The following NWD1 variants were observed in gnomAD, a reference collection of about 807,000 sequenced individuals.
NWD1 encodes NACHT domain- and WD repeat-containing protein 1.
NWD1 carries 129 observed loss-of-function variants against 135.1 expected under a neutral mutation model. The ratio of observed to expected loss-of-function variants is 0.96; its 90% CI spans 0.83 to 1.11. NWD1 has a LOEUF of 1.11. NWD1 is among the 50% of genes least tolerant of loss of function. The pLI is 0.00. For synonymous variants in NWD1, 773 were observed against 786.0 expected (o/e 0.98, Z 0.28); for missense variants, 1,740 against 1,851.3 (o/e 0.94, Z 1.10).
Position 16,762,005 on chromosome 19 carries a change from GCTAC to G in NWD1, c.2003_2006del (p.Tyr668CysfsTer38). The G allele has an allele frequency of 6.2e-7, 1 of 1,614,000 alleles. No individual in the cohort carries two copies. The highest frequency in any genetic ancestry group is 8.5e-7 in the Non-Finnish European group (1 of 1,179,948). ...CAGCTGGTCGAGGTGGTCCGTGAGC[GCTAC>G]CTGTCAGGATCCGAGAGAGCCAAGA... On this transcript the variant is annotated frameshift_variant, in exon 8 of 19. Coordinates refer to ENST00000524140, the MANE Select transcript of NWD1 (RefSeq NM_001007525.5). LOFTEE classifies it high-confidence loss of function.
At chr19:16,755,364 C>T (rs1434175836) in intron 6 of NWD1, among the ~76,000 whole-genome samples, 1 of 151,734 alleles carries the variant, frequency 6.6e-6, no homozygotes, top group East Asian at 2.0e-4. Flanking sequence ...ACTACAGGTG[C>T]ATGCCACCAC....
chr19:16,737,198 CA>C (rs1195208216), intron 4 of NWD1, among the ~76,000 whole-genome samples: 2 of 152,124 alleles, frequency 1.3e-5, no homozygotes, highest in South Asian at 4.1e-4. Context: ...CCCCTTCTAT[CA>C]AAAAATCAAT....
At chr19:16,779,186 G>T (rs1033539458) in intron 11 of NWD1, among the ~76,000 whole-genome samples, 157 bp from the exon 12 acceptor site, 1 of 152,128 alleles carries the variant, frequency 6.6e-6, no homozygotes, top group Non-Finnish European at 1.5e-5. Flanking sequence ...CTGAGTCTGC[G>T]AATCTAATCC....
rs1968213348 is a variant in NWD1, at chr19:16,744,412, C to G, written c.199-9C>G. The G allele has an allele frequency of 2.0e-6, 3 of 1,535,448 alleles. No individual in the cohort carries two copies. The highest frequency in any genetic ancestry group is 2.6e-6 in the Non-Finnish European group (3 of 1,146,460). ...GTGAGATTTGAATCTGTGACTTCCT[C>G]TCTGCCAGGCCCTCATCGGTGATCA... On this transcript the variant is annotated splice_polypyrimidine_tract_variant and intron_variant, in intron 4 of 18. Transcript: ENST00000524140.
At position 16,791,580 on chromosome 19, in the gene NWD1, A is replaced by G. The variant is rs752483053; in HGVS notation, c.3171A>G (p.Gln1057=). Residue 1057 remains glutamine, a synonymous_variant, in exon 14 of 19, where the codon CAA becomes CAG. Coordinates refer to ENST00000524140, the MANE Select transcript of NWD1 (RefSeq NM_001007525.5). ...TPTCAVSVQK[Q]GKLVTGFSNG... ...CCTGTGCCGTCTCAGTCCAGAAGCA[A>G]GGAAAGCTTGTTACCGGGTTTAGCA... The G allele has an allele frequency of 1.2e-5, 20 of 1,614,116 alleles. No homozygotes were observed. Among genetic ancestry groups the G allele is most frequent in the East Asian group, 2.2e-5 (1 of 44,896 alleles).
chr19:16,778,194 A>G (rs892386356), intron 11 of NWD1, among the ~76,000 whole-genome samples: 1 of 152,064 alleles, frequency 6.6e-6, no homozygotes, highest in African/African-American at 2.4e-5. Flanking sequence ...AAGGAAAAGG[A>G]CTTCCTTTCT....
chr19:16,776,888 G>T (rs1050238396), intron 11 of NWD1, among the ~76,000 whole-genome samples: 2 of 143,852 alleles, frequency 1.4e-5, no homozygotes, highest in Admixed American at 7.1e-5. Flanking sequence ...GCTGCAGTGA[G>T]CTGTGATTGT....
At chr19:16,733,921 G>C (rs28650403) in intron 3 of NWD1, among the ~76,000 whole-genome samples, 8,123 of 151,706 alleles carry the variant, frequency 0.054, 275 homozygotes, top group African/African-American at 0.08. Context: ...AGTACTGCTG[G>C]CCTCTCACCA....
intron 17 of NWD1, among the ~76,000 whole-genome samples, chr19:16,804,205 G>A (rs921620746): frequency 1.3e-5 from 2 of 152,156 alleles, no homozygotes; most frequent in Non-Finnish European, 2.9e-5. Context: ...ATTCCATGGG[G>A]AGCCCTGGAA....
chr19:16,797,591 G>T, intron 15 of NWD1, 141 bp from the exon 16 acceptor site: 1 of 697,132 alleles, frequency 1.4e-6, no homozygotes, highest in South Asian at 1.8e-5. Flanking sequence ...CGAGTGATCT[G>T]CCCGCCTTGG....
At chr19:16,776,620 T>C (rs1243022873) in intron 11 of NWD1, among the ~76,000 whole-genome samples, 1 of 147,458 alleles carries the variant, frequency 6.8e-6, no homozygotes, top group Non-Finnish European at 1.5e-5. Context: ...GGTCACACAA[T>C]GAGTGCATAA....
rs192872551 is a variant in NWD1 at position 16,807,395 on chromosome 19, C to T, written c.3737-191C>T. 8.6e-5 allele frequency among the ~76,000 whole-genome samples: 13 copies of T among 151,838 alleles called. No homozygotes were observed. The South Asian group carries it at 1.0e-3, about 12-fold the overall frequency. On this transcript the variant is annotated intron_variant, in intron 17 of 18. Coordinates refer to ENST00000524140, the MANE Select transcript of NWD1 (RefSeq NM_001007525.5). ...GTAATCCCAGCTACTCGGGAGGCTG[C>T]GGCAGGAGGATTGCTTGAATCCAGG...
At position 16,744,619 on chromosome 19, in the gene NWD1, G is replaced by A; in HGVS notation, c.397G>A (p.Glu133Lys). Residue 133 changes from glutamate to lysine, a missense_variant, in exon 5 of 19, where the codon GAG becomes AAG. Glu to Lys is a moderately conservative substitution (Grantham distance 56, BLOSUM62 1). Coordinates refer to ENST00000524140, the MANE Select transcript of NWD1 (RefSeq NM_001007525.5). The part of the protein sequence containing the change: ...APGTGEACEP[E>K]EATLTSVLRS... Reference sequence around the variant, plus strand: ...AGGTACTGGGGAGGCCTGTGAACCAGAGGAGGCCACCTTAACTTCTGTCCT... The same window carrying A: ...AGGTACTGGGGAGGCCTGTGAACCAAAGGAGGCCACCTTAACTTCTGTCCT... 1 of 1,534,984 alleles carries A rather than the reference G, an allele frequency of 6.5e-7. No homozygotes were observed. Among genetic ancestry groups the A allele is most frequent in the Non-Finnish European group, 8.7e-7 (1 of 1,146,436 alleles).
At chr19:16,801,116 A>G (rs1970590513) in intron 17 of NWD1, among the ~76,000 whole-genome samples, 1 of 152,056 alleles carries the variant, frequency 6.6e-6, no homozygotes, top group African/African-American at 2.4e-5. Flanking sequence ...CACCTCCACT[A>G]AAGCAATACA....
intron 17 of NWD1, 82 bp downstream of exon 17, chr19:16,800,244 T>A (rs879156058): frequency 1.5e-6 from 2 of 1,358,082 alleles, no homozygotes; most frequent in Non-Finnish European, 2.0e-6. Context: ...TAACAAATCA[T>A]CCCCACAGGC....
rs184957341 is a variant in NWD1, at chr19:16,808,136, G to A, written c.4287G>A (p.Thr1429=). The A allele has an allele frequency of 7.4e-6, 12 of 1,612,170 alleles. No individual in the cohort carries two copies. Among genetic ancestry groups the A allele is most frequent in the African/African-American group, 2.7e-5 (2 of 74,982 alleles). ...ARKWKFEMSY[T]APC is the part of the protein sequence containing the mutation. The stretch of plus-strand genomic sequence containing the variant: ...AGTGGAAATTCGAGATGAGCTACAC[G>A]GTGGGTGGCCCGCCTCCCCATGTTC... The change falls in exon 18 of 19, where the codon ACG becomes ACA. Residue 1429 remains threonine (T), a splice_region_variant and synonymous_variant. Transcript: ENST00000524140.
At chr19:16,784,890 C>T (rs970297946) in intron 12 of NWD1, among the ~76,000 whole-genome samples, 4 of 151,542 alleles carry the variant, frequency 2.6e-5, no homozygotes, top group Non-Finnish European at 4.4e-5. Context: ...GATCGCGCCA[C>T]TGCACTCCAG....
intron 4 of NWD1, among the ~76,000 whole-genome samples, chr19:16,738,805 C>CGTTATA (rs1967956035): frequency 1.6e-5 from 2 of 123,586 alleles, no homozygotes; most frequent in African/African-American, 6.4e-5. Flanking sequence ...ATATAACATA[C>CGTTATA]TATTATATGT....
chr19:16,781,278 A>C (rs1341714638), intron 12 of NWD1, among the ~76,000 whole-genome samples: 2 of 152,260 alleles, frequency 1.3e-5, no homozygotes, highest in South Asian at 4.1e-4. Flanking sequence ...AGAGTTCATA[A>C]CTAGCTACCT....
Sources: allele counts gnomAD v4.1 joint callset (sites outside exome capture counted in the v4.1 genomes callset), GRCh38; gene constraint gnomAD v4.1.1; transcripts MANE v1.5; gene names NCBI Gene and HGNC (gene_info 2026-07-23, HGNC 2026-07-21).